Variants in BMP7 observed in about 807,000 individuals in gnomAD.
The protein encoded by BMP7 is bone morphogenetic protein 7.
BMP7 carries 12 observed loss-of-function variants against 41.2 expected under a neutral mutation model. The observed-to-expected ratio is 0.29, with a 90% CI of 0.19 to 0.47. The LOEUF (loss-of-function observed/expected upper bound fraction) is 0.47, where lower values mean the gene tolerates loss of function less well. Among genes scored for constraint, BMP7 ranks in the 20% least tolerant of loss-of-function variants. The pLI is 0.99. For missense variants in BMP7, 467 were observed against 606.0 expected, an observed-to-expected ratio of 0.77 and a Z score of 2.41; for synonymous variants, 248 against 250.0, an observed-to-expected ratio of 0.99 and a Z score of 0.07.
At chr20:57,221,289 A>G (rs560973135) in intron 2 of BMP7, among the ~76,000 whole-genome samples, 2 of 152,204 alleles carry the variant, frequency 1.3e-5, no homozygotes, top group South Asian at 2.1e-4. Context: ...GCCTCACTAC[A>G]CACTACTGGG....
At chr20:57,243,661 T>A (rs140793009) in intron 1 of BMP7, among the ~76,000 whole-genome samples, 61 of 152,178 alleles carry the variant, frequency 4.0e-4, no homozygotes, top group African/African-American at 1.4e-3. Flanking sequence ...GCGAGTGGTA[T>A]CCTGCTGGTA....
chr20:57,174,983 T>C lies in BMP7; in HGVS notation c.983A>G (p.Gln328Arg). 1 of 1,612,188 alleles carries C rather than the reference T, an allele frequency of 6.2e-7. No homozygotes were observed. Among genetic ancestry groups the C allele is most frequent in the Non-Finnish European group, 8.5e-7 (1 of 1,179,904 alleles). ...ATACAGCTCGTGCTTCTTACAGGCCTGCCTCTGGTCGCTGCTGCTGTTCTC... is the reference window on the plus strand; with the variant it reads ...ATACAGCTCGTGCTTCTTACAGGCCCGCCTCTGGTCGCTGCTGCTGTTCTC... ...VAENSSSDQR[Q>R]ACKKHELYVS... is the part of the protein sequence containing the mutation. Residue 328 changes from glutamine (Q) to arginine (R), a missense_variant, in exon 5 of 7, where the codon CAG (glutamine) becomes CGG (arginine). Gln to Arg is a conservative substitution (Grantham distance 43, BLOSUM62 1). Transcript: ENST00000395863. The surrounding 1 kb of genome is among the most constrained non-coding windows in gnomAD (Gnocchi z 4.3).
chr20:57,177,052 C>T (rs987801433), intron 4 of BMP7, among the ~76,000 whole-genome samples: 24 of 152,198 alleles, frequency 1.6e-4, no homozygotes, highest in African/African-American at 5.5e-4. Context: ...GGACCACACA[C>T]TGCAAATTAG....
At chr20:57,183,617 T>C (rs1020551742) in intron 4 of BMP7, 105 bp downstream of exon 4, 2 of 1,445,648 alleles carry the variant, frequency 1.4e-6, no homozygotes, top group African/African-American at 2.8e-5. Flanking sequence ...TCCAGAGCCA[T>C]CTGGTGAGCA....
At chr20:57,188,941 C>T (rs968001508) in intron 3 of BMP7, among the ~76,000 whole-genome samples, 12 of 152,232 alleles carry the variant, frequency 7.9e-5, no homozygotes, top group South Asian at 4.1e-4. Flanking sequence ...TTCTCTGCCA[C>T]GACAACCACA....
chr20:57,232,349 T>C (rs999895225), intron 1 of BMP7, among the ~76,000 whole-genome samples: 2 of 152,018 alleles, frequency 1.3e-5, no homozygotes, highest in Non-Finnish European at 2.9e-5. Context: ...GCCAGAAGAA[T>C]GACAATCAAT....
At chr20:57,233,798 A>C (rs928941165) in intron 1 of BMP7, among the ~76,000 whole-genome samples, 6 of 152,258 alleles carry the variant, frequency 3.9e-5, no homozygotes, top group African/African-American at 1.4e-4. Flanking sequence ...GCTGGTGCTT[A>C]AACAGAACCT....
intron 2 of BMP7, among the ~76,000 whole-genome samples, chr20:57,211,692 AG>A (rs1984887753): frequency 6.6e-6 from 1 of 152,296 alleles, no homozygotes; most frequent in South Asian, 2.1e-4. Context: ...CCAGAGAATA[AG>A]CTGTGACAGC....
chr20:57,220,620 C>A (rs1271957663), intron 2 of BMP7, among the ~76,000 whole-genome samples: 1 of 152,160 alleles, frequency 6.6e-6, no homozygotes, highest in Non-Finnish European at 1.5e-5. Flanking sequence ...GTGTAAAGAA[C>A]CCCAGGCTGC....
At chr20:57,219,283 G>T (rs1985128199) in intron 2 of BMP7, among the ~76,000 whole-genome samples, 1 of 150,612 alleles carries the variant, frequency 6.6e-6, no homozygotes, top group African/African-American at 2.5e-5. Flanking sequence ...GTGTTTGGTG[G>T]TAGGTAGCAG....
At chr20:57,211,539 C>T (rs1386822892) in intron 2 of BMP7, among the ~76,000 whole-genome samples, 4 of 152,190 alleles carry the variant, frequency 2.6e-5, no homozygotes, top group Admixed American at 6.5e-5. Flanking sequence ...GCCCTGATCC[C>T]AGAAGCTGTG....
At chr20:57,187,505 G>A (rs574868090) in intron 3 of BMP7, among the ~76,000 whole-genome samples, 1 of 150,890 alleles carries the variant, frequency 6.6e-6, no homozygotes, top group Non-Finnish European at 1.5e-5. Flanking sequence ...GTATCCTGGA[G>A]GTTTCTGGAA....
At position 57,171,210 on chromosome 20, in the gene BMP7, T is replaced by C. The variant is rs531307403; in HGVS notation, c.1147-102A>G. 4 of 1,501,218 alleles carry C rather than the reference T, an allele frequency of 2.7e-6. No individual in the cohort carries two copies. The South Asian group carries it at 3.5e-5, about 13-fold the overall frequency. The allele number at this position is 1,501,218 out of a possible 1,614,324, so 93.0% of individuals were successfully genotyped here. A position where few individuals can be genotyped will look rare whatever the true frequency, so the allele number is the denominator to read the frequency against. On this transcript the variant is annotated intron_variant, in intron 6 of 6. Coordinates refer to ENST00000395863, the MANE Select transcript of BMP7 (RefSeq NM_001719.3). This position sits in a 1 kb window ranked among gnomAD's most constrained non-coding sequence, Gnocchi z 4.5. ...AAACATCCTGTCTGGGCATAATGAA[T>C]GACTGCAGGTGACACTCCCCAAGCC...
chr20:57,205,475 A>G (rs1047083508), intron 2 of BMP7, among the ~76,000 whole-genome samples: 2 of 152,346 alleles, frequency 1.3e-5, no homozygotes, highest in African/African-American at 4.8e-5. Flanking sequence ...AAGGTTGTCA[A>G]TGAACCATTA....
chr20:57,175,870 CA>C (rs2123058838), intron 4 of BMP7, among the ~76,000 whole-genome samples: 1 of 152,302 alleles, frequency 6.6e-6, no homozygotes, highest in South Asian at 2.1e-4. Flanking sequence ...ACTGATTGAC[CA>C]AACACCAAGC....
intron 1 of BMP7, among the ~76,000 whole-genome samples, chr20:57,239,292 C>T (rs1275833051): frequency 6.6e-6 from 1 of 152,196 alleles, no homozygotes; most frequent in Non-Finnish European, 1.5e-5. Context: ...CGAAATTCAG[C>T]AGGGCTCTCA....
intron 1 of BMP7, among the ~76,000 whole-genome samples, chr20:57,234,957 C>T (rs886498944): frequency 5.2e-5 from 8 of 152,396 alleles, no homozygotes; most frequent in East Asian, 1.9e-4. Flanking sequence ...ATTTCCACAA[C>T]GTGAATGCAC....
chr20:57,197,712 G>A (rs577879846), intron 3 of BMP7, among the ~76,000 whole-genome samples: 3 of 152,342 alleles, frequency 2.0e-5, no homozygotes, highest in African/African-American at 2.4e-5. Flanking sequence ...ACAGGGTGCT[G>A]GGCCCAGGAT....
chr20:57,214,438 A>G lies in BMP7; in HGVS notation c.612-11815T>C, dbSNP rs1984965229. ...AGAAGACTATGGAACTGACAGTCCA[A>G]ACCGAGAAACTGGGGAGAGAGAGGA... On this transcript the variant is annotated intron_variant, in intron 2 of 6. Transcript: ENST00000395863. The surrounding 1 kb of genome is among the most constrained non-coding windows in gnomAD (Gnocchi z 4.0). Among the ~76,000 whole-genome samples the G allele has an allele frequency of 6.6e-6, 1 of 152,182 alleles. No homozygotes were observed. Among genetic ancestry groups the G allele is most frequent in the Non-Finnish European group, 1.5e-5 (1 of 68,012 alleles).
Sources: gnomAD v4.1 joint callset for allele counts (sites outside exome capture counted in the v4.1 genomes callset) on GRCh38, gnomAD v4.1.1 for gene constraint, Gnocchi (gnomAD v3.1) non-coding constraint, MANE v1.5 for transcripts, NCBI Gene and HGNC (gene_info 2026-07-23, HGNC 2026-07-21) for gene names.